The following GNB4 variants were observed in gnomAD, a reference collection of about 807,000 sequenced individuals.
The protein encoded by GNB4 is guanine nucleotide-binding protein subunit beta-4.
Under a neutral mutation model 45.2 loss-of-function variants are expected in GNB4, and 28 were observed. The ratio of observed to expected loss-of-function variants is 0.62; its 90% confidence interval spans 0.46 to 0.85. The LOEUF (loss-of-function observed/expected upper bound fraction) is 0.85, where lower values mean the gene tolerates loss of function less well. Among genes scored for constraint, GNB4 ranks in the 40% least tolerant of loss-of-function variants. The pLI, the probability that GNB4 is intolerant of heterozygous loss-of-function variation, is 0.00. For synonymous variants in GNB4, 132 were observed against 143.7 expected, an observed-to-expected ratio of 0.92 and a Z score of 0.58; for missense variants, 321 against 425.4, an observed-to-expected ratio of 0.75 and a Z score of 2.16.
At chr3:179,439,769 T>C (rs1487987734) in intron 1 of GNB4, among the ~76,000 whole-genome samples, 1 of 152,226 alleles carries the variant, frequency 6.6e-6, no homozygotes, top group African/African-American at 2.4e-5. Flanking sequence ...AAATTGTGTA[T>C]TTCCCAATAT....
rs189320554 is a variant in GNB4 at position 179,403,885 on chromosome 3, C to T, written c.916+1305G>A. On this transcript the variant is annotated intron_variant, in intron 9 of 9. Transcript: ENST00000232564. Reference sequence around the variant, plus strand: ...GTCAAAAGGATCAGTCCAGGAAGCCCATTTTCAACATAATGGGAGATCTAG... The same window carrying T: ...GTCAAAAGGATCAGTCCAGGAAGCCTATTTTCAACATAATGGGAGATCTAG... Among the ~76,000 whole-genome samples, 264 of 151,604 alleles carry T rather than the reference C, an allele frequency of 1.7e-3. 4 individuals are homozygous for T. Among genetic ancestry groups the T allele is most frequent in the African/African-American group, 5.9e-3 (243 of 41,406 alleles).
the GNB4 span, among the ~76,000 whole-genome samples, chr3:179,466,652 G>A: frequency 6.6e-6 from 1 of 152,154 alleles, no homozygotes; most frequent in Non-Finnish European, 1.5e-5. Flanking sequence ...GATGACCAAG[G>A]TGACCAAAAT....
intron 1 of GNB4, among the ~76,000 whole-genome samples, chr3:179,447,611 G>A (rs1715768144): frequency 6.6e-6 from 1 of 152,152 alleles, no homozygotes; most frequent in Non-Finnish European, 1.5e-5. Flanking sequence ...GCTGGTGGGA[G>A]ACAGAGAGTG....
chr3:179,441,140 C>G (rs1559981538), intron 1 of GNB4, among the ~76,000 whole-genome samples: 1 of 152,208 alleles, frequency 6.6e-6, no homozygotes, highest in Non-Finnish European at 1.5e-5. Context: ...GAAACCCACC[C>G]CATCAGAAAC....
At position 179,401,047 on chromosome 3, in the gene GNB4, C is replaced by T; in HGVS notation, c.*166G>A. On this transcript the variant is annotated 3_prime_UTR_variant, in exon 10 of 10. Coordinates refer to ENST00000232564, the MANE Select transcript of GNB4 (RefSeq NM_021629.4). The stretch of plus-strand genomic sequence containing the variant: ...TCAGAAGGCGCCTTTGCCTTTTTTC[C>T]TCCACCCCCACTTTTTTTTTGGTAG... 2 of 520,712 alleles carry T rather than the reference C, an allele frequency of 3.8e-6. No individual in the cohort carries two copies. Among genetic ancestry groups the T allele is most frequent in the Non-Finnish European group, 3.4e-6 (1 of 291,782 alleles). 32.3% of individuals were successfully genotyped at this position (520,712 alleles called of 1,614,324 possible). A position where few individuals can be genotyped will look rare whatever the true frequency, so the allele number is the denominator to read the frequency against.
intron 1 of GNB4, among the ~76,000 whole-genome samples, chr3:179,447,505 C>G (rs944773997): frequency 6.6e-6 from 1 of 152,050 alleles, no homozygotes; most frequent in Non-Finnish European, 1.5e-5. Flanking sequence ...TGCACCACCA[C>G]GCCTGGCTAA....
the GNB4 span, chr3:179,464,795 G>C: frequency 3.0e-6 from 4 of 1,345,680 alleles, no homozygotes; most frequent in Admixed American, 6.7e-5. Flanking sequence ...TGTTTCTCCA[G>C]ACAAGGATGC....
chr3:179,525,950 G>A, the GNB4 span, among the ~76,000 whole-genome samples: 2 of 152,142 alleles, frequency 1.3e-5, no homozygotes, highest in Non-Finnish European at 2.9e-5. Flanking sequence ...CCTGGGTTTC[G>A]GCACCAAATG....
the GNB4 span, among the ~76,000 whole-genome samples, chr3:179,523,960 G>A: frequency 6.6e-6 from 1 of 152,316 alleles, no homozygotes; most frequent in East Asian, 1.9e-4. Context: ...AAAGAATGTT[G>A]TCCAAGTTGG....
chr3:179,446,965 T>C (rs1715748531), intron 1 of GNB4, among the ~76,000 whole-genome samples: 1 of 152,130 alleles, frequency 6.6e-6, no homozygotes, highest in African/African-American at 2.4e-5. Context: ...AAAACAAAAC[T>C]TCCTATTGCC....
chr3:179,460,005 T>G, the GNB4 span, among the ~76,000 whole-genome samples: 3 of 152,248 alleles, frequency 2.0e-5, no homozygotes, highest in Non-Finnish European at 2.9e-5. Context: ...CTTTTCCCAT[T>G]ATCAGGATTA....
upstream of GNB4, among the ~76,000 whole-genome samples, chr3:179,452,958 C>T (rs1715922086): frequency 6.6e-6 from 1 of 152,286 alleles, no homozygotes; most frequent in African/African-American, 2.4e-5. Context: ...GGACCATGCT[C>T]TCTGCTTTCT....
chr3:179,514,367 G>A, the GNB4 span, among the ~76,000 whole-genome samples: 1 of 152,200 alleles, frequency 6.6e-6, no homozygotes, highest in African/African-American at 2.4e-5. Context: ...AGACACAGAA[G>A]CAGCCCATGG....
In GNB4 at chr3:179,414,867, A is replaced by G; in HGVS notation, c.430+18T>C. ...ACAAGGAATCGTGTGGTGGGAAAGA[A>G]TATTTAGGGAAGCTCACCTGTGTGA... On this transcript the variant is annotated intron_variant, in intron 6 of 9. Coordinates refer to ENST00000232564, the MANE Select transcript of GNB4 (RefSeq NM_021629.4). 1 of 1,550,970 alleles carries G rather than the reference A, an allele frequency of 6.4e-7. No homozygotes were observed. Among genetic ancestry groups the G allele is most frequent in the South Asian group, 1.2e-5 (1 of 81,548 alleles).
chr3:179,433,033 A>G (rs1021346667), intron 1 of GNB4, among the ~76,000 whole-genome samples: 4 of 152,194 alleles, frequency 2.6e-5, no homozygotes, highest in Non-Finnish European at 4.4e-5. Context: ...TAAAGTTTAA[A>G]ATAATCAAGA....
intron 9 of GNB4, among the ~76,000 whole-genome samples, chr3:179,402,392 C>G (rs1162523087): frequency 6.6e-6 from 1 of 152,112 alleles, no homozygotes; most frequent in African/African-American, 2.4e-5. Flanking sequence ...GGCAAAACAC[C>G]AAATATCTTT....
upstream of GNB4, among the ~76,000 whole-genome samples, chr3:179,456,164 C>T (rs1715974704): frequency 1.4e-5 from 2 of 146,432 alleles, no homozygotes; most frequent in East Asian, 2.0e-4. Flanking sequence ...GAGGGTGGAG[C>T]GCAGTGGCGC....
chr3:179,416,765 T>C (rs1391653760), intron 4 of GNB4, among the ~76,000 whole-genome samples: 1 of 152,240 alleles, frequency 6.6e-6, no homozygotes, highest in South Asian at 2.1e-4. Context: ...ATTTAGCAAC[T>C]GACTAAAAAT....
chr3:179,495,108 C>G, the GNB4 span, among the ~76,000 whole-genome samples: 2 of 151,912 alleles, frequency 1.3e-5, no homozygotes, highest in Non-Finnish European at 2.9e-5. Context: ...TGAAAGCTAG[C>G]TGGGCATGAT....
Sources: allele counts gnomAD v4.1 joint callset (sites outside exome capture counted in the v4.1 genomes callset), GRCh38; gene constraint gnomAD v4.1.1; transcripts MANE v1.5; gene names NCBI Gene and HGNC (gene_info 2026-07-23, HGNC 2026-07-21).